PTPRO: variants seen among roughly 807,000 people sequenced by gnomAD.
PTPRO encodes protein tyrosine phosphatase receptor type O.
In PTPRO, 62 loss-of-function variants were observed where a neutral mutation model predicts 145.2. The observed-to-expected ratio is 0.43, with a 90% CI of 0.35 to 0.53. The LOEUF (loss-of-function observed/expected upper bound fraction) is 0.53. PTPRO is among the 20% of genes least tolerant of loss of function. The pLI, the probability that PTPRO is intolerant of heterozygous loss-of-function variation, is 0.01. For synonymous variants in PTPRO, 565 were observed against 514.7 expected (o/e 1.10, Z -1.32); for missense variants, 1,345 against 1,482.7 (o/e 0.91, Z 1.53).
At chr12:15,584,057 T>C (rs12231793) in intron 23 of PTPRO, among the ~76,000 whole-genome samples, 30,522 of 152,134 alleles carry the variant, frequency 0.2, 3,276 homozygotes, top group Middle Eastern at 0.27. Context: ...TTGGACACCG[T>C]TAGCCCATTC....
intron 1 of PTPRO, among the ~76,000 whole-genome samples, chr12:15,445,342 A>G (rs1302324875): frequency 6.6e-6 from 1 of 152,116 alleles, no homozygotes; most frequent in Non-Finnish European, 1.5e-5. Flanking sequence ...TTCATTCAAT[A>G]TTTTTATATT....
chr12:15,564,996 T>C (rs1043561497), intron 17 of PTPRO, among the ~76,000 whole-genome samples: 9 of 152,196 alleles, frequency 5.9e-5, no homozygotes, highest in Admixed American at 3.9e-4. Context: ...GCTTATAGAC[T>C]AGTAATGATG....
chr12:15,428,995 A>T (rs1173180099), intron 1 of PTPRO, among the ~76,000 whole-genome samples: 1 of 152,222 alleles, frequency 6.6e-6, no homozygotes, highest in Non-Finnish European at 1.5e-5. Flanking sequence ...AAGGAAAACT[A>T]ATAAATACAA....
intron 1 of PTPRO, among the ~76,000 whole-genome samples, chr12:15,462,115 C>T (rs1384021207): frequency 5.3e-5 from 8 of 152,096 alleles, no homozygotes; most frequent in Non-Finnish European, 8.8e-5. Flanking sequence ...CTTTACTTAG[C>T]TTAATGTTGC....
At chr12:15,453,307 A>G (rs1941093686) in intron 1 of PTPRO, among the ~76,000 whole-genome samples, 1 of 152,036 alleles carries the variant, frequency 6.6e-6, no homozygotes, top group African/African-American at 2.4e-5. Context: ...TGACAGAGTG[A>G]GATTCAGTCT....
At chr12:15,570,416 C>A (rs966199893) in intron 19 of PTPRO, among the ~76,000 whole-genome samples, 1 of 151,998 alleles carries the variant, frequency 6.6e-6, no homozygotes, top group African/African-American at 2.4e-5. Context: ...TTCCACTTCT[C>A]AGCCAAGGAC....
Position 15,493,816 on chromosome 12 carries a change from C to T in PTPRO, c.350-3429C>T, listed in dbSNP as rs1024170726. Among the ~76,000 whole-genome samples the T allele has an allele frequency of 5.3e-5, 8 of 152,062 alleles. No individual in the cohort carries two copies. In the East Asian group the frequency reaches 7.7e-4, roughly 15 times the overall value. ...GGATTTTCAACCTAAGGCGACATGCCGCAAACATTTATTGCAGCATTATTT... is the reference window on the plus strand; with the variant it reads ...GGATTTTCAACCTAAGGCGACATGCTGCAAACATTTATTGCAGCATTATTT... On this transcript the variant is annotated intron_variant, in intron 2 of 26. Coordinates refer to ENST00000281171, the MANE Select transcript of PTPRO (RefSeq NM_030667.3).
In PTPRO at chr12:15,386,057, G is replaced by T. The variant is rs540217816; in HGVS notation, c.75+63256G>T. The stretch of plus-strand genomic sequence containing the variant: ...CAAAGCTGCAGAGAATATTTTGTTT[G>T]TGATGAATCTAGATCTTTCTAGCAC... On this transcript the variant is annotated intron_variant, in intron 1 of 26. Transcript: ENST00000281171. Among the ~76,000 whole-genome samples, 3 of 152,036 alleles carry T rather than the reference G, an allele frequency of 2.0e-5. No individual in the cohort carries two copies. In the East Asian group the frequency reaches 5.8e-4, roughly 29 times the overall value.
At chr12:15,502,530 C>T (rs1053307085) in intron 5 of PTPRO, among the ~76,000 whole-genome samples, 1 of 152,186 alleles carries the variant, frequency 6.6e-6, no homozygotes, top group African/African-American at 2.4e-5. Flanking sequence ...TGCTAACCAG[C>T]CGCTCTTGTT....
chr12:15,403,324 T>G (rs1311764575), intron 1 of PTPRO, among the ~76,000 whole-genome samples: 9 of 152,170 alleles, frequency 5.9e-5, no homozygotes, highest in Admixed American at 5.9e-4. Flanking sequence ...GGCTCACACC[T>G]GTAATTCCAA....
chr12:15,562,301 T>G (rs1366090786), intron 17 of PTPRO, among the ~76,000 whole-genome samples: 1 of 152,162 alleles, frequency 6.6e-6, no homozygotes, highest in Non-Finnish European at 1.5e-5. Context: ...TTGTGGTTAT[T>G]TTCCCCTGCT....
chr12:15,407,685 T>G (rs911898471), intron 1 of PTPRO, among the ~76,000 whole-genome samples: 3 of 152,180 alleles, frequency 2.0e-5, no homozygotes, highest in Non-Finnish European at 4.4e-5. Context: ...CCCAAAACAT[T>G]TTTACTCCTC....
chr12:15,580,567 A>G lies in PTPRO; in HGVS notation c.2998-130A>G, dbSNP rs914715855. The G allele has an allele frequency of 1.1e-5, 12 of 1,044,782 alleles. No individual in the cohort carries two copies. In the South Asian group the frequency reaches 1.5e-4, roughly 13 times the overall value. 64.7% of individuals were successfully genotyped at this position (1,044,782 alleles called of 1,614,324 possible). ...CTCTTTGATTAAAACAGGAGAAAAC[A>G]TTACATAGGTGTGTGATCCTTTGCC... On this transcript the variant is annotated intron_variant, in intron 21 of 26. Coordinates refer to ENST00000281171, the MANE Select transcript of PTPRO (RefSeq NM_030667.3).
chr12:15,508,853 G>T, intron 7 of PTPRO, 86 bp downstream of exon 7: 1 of 1,379,932 alleles, frequency 7.2e-7, no homozygotes, highest in Non-Finnish European at 1.0e-6. Flanking sequence ...ATTGTAGGAA[G>T]CCAGGCTGAG....
intron 23 of PTPRO, among the ~76,000 whole-genome samples, chr12:15,582,107 A>G (rs982334027): frequency 2.6e-5 from 4 of 152,232 alleles, no homozygotes; most frequent in Non-Finnish European, 5.9e-5. Flanking sequence ...TGCAGCATGA[A>G]CGTGTCCTTA....
chr12:15,374,639 T>A (rs2136265018), intron 1 of PTPRO, among the ~76,000 whole-genome samples: 1 of 152,300 alleles, frequency 6.6e-6, no homozygotes, highest in South Asian at 2.1e-4. Context: ...CACAGGGCAT[T>A]GTCACTATTT....
At chr12:15,380,616 G>A (rs1022445751) in intron 1 of PTPRO, among the ~76,000 whole-genome samples, 1 of 152,134 alleles carries the variant, frequency 6.6e-6, no homozygotes, top group Non-Finnish European at 1.5e-5. Context: ...GTGGAATTTT[G>A]CTAGTGGCCC....
chr12:15,358,175 T>C (rs1412553495), intron 1 of PTPRO, among the ~76,000 whole-genome samples: 2 of 139,960 alleles, frequency 1.4e-5, no homozygotes, highest in African/African-American at 5.4e-5. Context: ...TAGGTGGGAA[T>C]TGACCAATGA....
intron 25 of PTPRO, among the ~76,000 whole-genome samples, chr12:15,594,666 A>G (rs925011103): frequency 1.3e-5 from 2 of 152,122 alleles, no homozygotes; most frequent in African/African-American, 4.8e-5. Flanking sequence ...TACACCTTAA[A>G]TATATACAAT....
Sources: gnomAD v4.1 joint callset for allele counts (sites outside exome capture counted in the v4.1 genomes callset) on GRCh38, gnomAD v4.1.1 for gene constraint, MANE v1.5 for transcripts, NCBI Gene and HGNC (gene_info 2026-07-23, HGNC 2026-07-21) for gene names.